The following NRXN1 variants were observed in gnomAD, a reference collection of about 807,000 sequenced individuals.
The protein encoded by NRXN1 is neurexin-1.
Under a neutral mutation model 150.9 loss-of-function variants are expected in NRXN1, and 39 were observed. The observed-to-expected ratio is 0.26, with a 90% CI of 0.20 to 0.34. NRXN1 has a LOEUF of 0.34. Ranked by LOEUF, NRXN1 falls within the 10% of genes least tolerant of loss-of-function variation. NRXN1 has a pLI of 1.00. For synonymous variants in NRXN1, 924 were observed against 757.0 expected (o/e 1.22, Z -3.62); for missense variants, 1,815 against 1,949.9 (o/e 0.93, Z 1.30).
At chr2:49,999,529 G>A (rs1199409169) in intron 21 of NRXN1, among the ~76,000 whole-genome samples, 5 of 152,108 alleles carry the variant, frequency 3.3e-5, no homozygotes, top group Non-Finnish European at 7.4e-5. Flanking sequence ...GCAATTGAAA[G>A]CTATAAGGTT....
At chr2:50,342,321 T>A (rs2077606587) in intron 17 of NRXN1, among the ~76,000 whole-genome samples, 1 of 152,218 alleles carries the variant, frequency 6.6e-6, no homozygotes, top group African/African-American at 2.4e-5. Context: ...ATTTAAGTGA[T>A]ATAACATTTT....
At chr2:50,861,502 T>G (rs568015931) in intron 5 of NRXN1, among the ~76,000 whole-genome samples, 1 of 152,136 alleles carries the variant, frequency 6.6e-6, no homozygotes, top group Non-Finnish European at 1.5e-5. Context: ...AAATAATGTA[T>G]ACTGATTCGT....
intron 8 of NRXN1, among the ~76,000 whole-genome samples, chr2:50,595,623 C>T (rs1390884422): frequency 1.3e-5 from 2 of 152,100 alleles, no homozygotes; most frequent in East Asian, 1.9e-4. Context: ...TTAATAGAAA[C>T]GGATCAAAGA....
chr2:50,145,091 G>A (rs145120826), intron 18 of NRXN1, among the ~76,000 whole-genome samples: 47 of 151,578 alleles, frequency 3.1e-4, no homozygotes, highest in African/African-American at 1.1e-3. Context: ...GAAGAAAATA[G>A]TATAAAAGCA....
At position 50,055,028 on chromosome 2, in the gene NRXN1, C is replaced by T. The variant is rs1261736286; in HGVS notation, c.3735G>A (p.Glu1245=). 1 of 1,599,256 alleles carries T rather than the reference C, an allele frequency of 6.3e-7. No individual in the cohort carries two copies. The change falls in exon 20 of 23, where the codon GAG becomes GAA. Residue 1245 remains glutamate, a synonymous_variant. Coordinates refer to ENST00000401669, the MANE Select transcript of NRXN1 (RefSeq NM_001330078.2). ...ERYPAGNNDN[E]RLAIARQRIP... ...TTCGCTGTCTAGCAATCGCCAGGCG[C>T]TCGTTATCATTGTTTCCTTTAAAGT...
At chr2:50,014,517 C>T (rs985213955) in intron 21 of NRXN1, among the ~76,000 whole-genome samples, 2 of 152,090 alleles carry the variant, frequency 1.3e-5, no homozygotes, top group Non-Finnish European at 2.9e-5. Context: ...CAAAACATCC[C>T]CACACAACCA....
chr2:50,321,454 A>C (rs1032793326), intron 17 of NRXN1, among the ~76,000 whole-genome samples: 3 of 152,194 alleles, frequency 2.0e-5, no homozygotes, highest in Non-Finnish European at 4.4e-5. Context: ...CACCTTTTCC[A>C]TCCTATGGAC....
rs1223672511 is a variant in NRXN1, at chr2:50,346,550, G to T, written c.3365-109580C>A. 3.0e-5 allele frequency: 26 copies of T among 853,018 alleles called. No individual in the cohort carries two copies. The highest frequency in any genetic ancestry group is 1.1e-4 in the South Asian group (8 of 70,204). The allele number at this position is 853,018 out of a possible 1,614,324, so 52.8% of individuals were successfully genotyped here. A position where few individuals can be genotyped will look rare whatever the true frequency, so the allele number is the denominator to read the frequency against. ...TTCTATTGTCTTCAAAGAGATAAGT[G>T]GCTCGCACCAAGCACACCCAAATGC... On this transcript the variant is annotated intron_variant, in intron 17 of 22. Transcript: ENST00000401669. The surrounding 1 kb of genome is among the most constrained non-coding windows in gnomAD (Gnocchi z 5.0).
chr2:50,506,728 G>C, intron 12 of NRXN1, 111 bp from the exon 13 acceptor site: 1 of 1,027,576 alleles, frequency 9.7e-7, no homozygotes, highest in Non-Finnish European at 1.4e-6. Flanking sequence ...AGAGAGAGGA[G>C]AGAAAGAAGA....
intron 21 of NRXN1, among the ~76,000 whole-genome samples, chr2:50,044,101 G>C (rs1021727809): frequency 2.6e-5 from 4 of 152,126 alleles, no homozygotes; most frequent in African/African-American, 9.7e-5. Context: ...AAGTTTATTT[G>C]ATACTCTCAA....
At chr2:50,517,905 T>C (rs928379184) in intron 12 of NRXN1, among the ~76,000 whole-genome samples, 9 of 152,150 alleles carry the variant, frequency 5.9e-5, no homozygotes, top group African/African-American at 1.9e-4. Context: ...ATCTACAAAA[T>C]AAATTTCAGT....
chr2:50,953,756 T>C (rs1282183887), intron 2 of NRXN1, among the ~76,000 whole-genome samples: 1 of 152,048 alleles, frequency 6.6e-6, no homozygotes, highest in Non-Finnish European at 1.5e-5. Flanking sequence ...AGACGAAATT[T>C]CACCATGTTG....
chr2:50,470,104 G>A (rs1430949776), intron 16 of NRXN1, among the ~76,000 whole-genome samples: 1 of 151,616 alleles, frequency 6.6e-6, no homozygotes, highest in Non-Finnish European at 1.5e-5. Context: ...TAGGTGAGAA[G>A]TCACATACCA....
chr2:50,038,150 CA>C (rs1690336922), intron 21 of NRXN1, among the ~76,000 whole-genome samples: 1 of 152,126 alleles, frequency 6.6e-6, no homozygotes, highest in Non-Finnish European at 1.5e-5. Flanking sequence ...AGGAGATTAG[CA>C]GAAAATATAC....
intron 5 of NRXN1, among the ~76,000 whole-genome samples, chr2:50,796,378 G>A (rs188179844): frequency 4.7e-4 from 71 of 152,230 alleles, no homozygotes; most frequent in African/African-American, 1.3e-3. Flanking sequence ...AAGGCCTTCT[G>A]GCCACACGGG....
intron 2 of NRXN1, among the ~76,000 whole-genome samples, chr2:50,935,493 G>A (rs867594535): frequency 4.6e-5 from 7 of 152,194 alleles, no homozygotes; most frequent in South Asian, 2.1e-4. Context: ...TCAGCACTTC[G>A]GGAGGCCAAG....
intron 21 of NRXN1, among the ~76,000 whole-genome samples, chr2:50,035,065 T>C (rs1367155401): frequency 6.6e-6 from 1 of 152,134 alleles, no homozygotes; most frequent in African/African-American, 2.4e-5. Context: ...GGGTACATAA[T>C]GCTAAAATGA....
chr2:50,714,640 T>C (rs1315327135), intron 5 of NRXN1, among the ~76,000 whole-genome samples: 1 of 152,114 alleles, frequency 6.6e-6, no homozygotes, highest in Non-Finnish European at 1.5e-5. Flanking sequence ...AAACTGAAAG[T>C]TTCCAGGAAG....
At chr2:50,351,976 G>C (rs867441936) in intron 17 of NRXN1, among the ~76,000 whole-genome samples, 21 of 152,250 alleles carry the variant, frequency 1.4e-4, no homozygotes, top group Middle Eastern at 6.8e-3. Flanking sequence ...GTTGGTCTTG[G>C]TGTTGAATTC....
Sources: allele counts gnomAD v4.1 joint callset (sites outside exome capture counted in the v4.1 genomes callset), GRCh38; gene constraint gnomAD v4.1.1; non-coding constraint Gnocchi (gnomAD v3.1); transcripts MANE v1.5; gene names NCBI Gene and HGNC (gene_info 2026-07-23, HGNC 2026-07-21).